Variants in NECAP2 observed in about 807,000 individuals in gnomAD.
The protein encoded by NECAP2 is NECAP endocytosis associated 2, also known as adaptin ear-binding coat-associated protein 2.
A neutral mutation model predicts 37.8 loss-of-function variants in NECAP2; 38 were observed. The ratio of observed to expected loss-of-function variants is 1.01; its 90% CI spans 0.78 to 1.32. The LOEUF is 1.32. Among genes scored for constraint, NECAP2 ranks in the 40% most tolerant of loss-of-function variants. The pLI is 0.00. For missense variants in NECAP2, 316 were observed against 334.5 expected, an observed-to-expected ratio of 0.94 and a Z score of 0.43; for synonymous variants, 121 against 127.7, an observed-to-expected ratio of 0.95 and a Z score of 0.35.
chr1:16,452,439 G>C (rs996702394), intron 6 of NECAP2, among the ~76,000 whole-genome samples: 1 of 152,138 alleles, frequency 6.6e-6, no homozygotes, highest in African/African-American at 2.4e-5. Context: ...TTTCATGAAA[G>C]AGGTGACATT....
At chr1:16,441,061 C>A in intron 1 of NECAP2, 1 of 569,366 alleles carries the variant, frequency 1.8e-6, no homozygotes, top group South Asian at 2.2e-5. Context: ...CTCCTGGCGG[C>A]GGGGAGGGCG....
At chr1:16,443,973 T>C (rs2086725743) in intron 2 of NECAP2, among the ~76,000 whole-genome samples, 1 of 152,030 alleles carries the variant, frequency 6.6e-6, no homozygotes, top group Non-Finnish European at 1.5e-5. Context: ...CTCAGGAAAA[T>C]GTGGGGGCCA....
At chr1:16,455,315 C>G (rs988256738) in intron 6 of NECAP2, among the ~76,000 whole-genome samples, 1 of 152,212 alleles carries the variant, frequency 6.6e-6, no homozygotes, top group Non-Finnish European at 1.5e-5. Flanking sequence ...TTCCTGACCC[C>G]TAACCAGTTT....
At chr1:16,454,139 A>G (rs567115316) in intron 6 of NECAP2, among the ~76,000 whole-genome samples, 5 of 151,918 alleles carry the variant, frequency 3.3e-5, no homozygotes, top group African/African-American at 1.2e-4. Flanking sequence ...GGCTTACCAC[A>G]ACCTCTGCTT....
At chr1:16,458,463 G>T (rs908277862) in intron 7 of NECAP2, among the ~76,000 whole-genome samples, 3 of 151,842 alleles carry the variant, frequency 2.0e-5, no homozygotes. Context: ...AAATTAACCG[G>T]TCATGTAGTT....
intron 6 of NECAP2, among the ~76,000 whole-genome samples, chr1:16,452,644 G>C (rs2086862397): frequency 6.6e-6 from 1 of 152,162 alleles, no homozygotes; most frequent in African/African-American, 2.4e-5. Context: ...GAATCTGAGA[G>C]CATTTGCCCT....
intron 2 of NECAP2, among the ~76,000 whole-genome samples, chr1:16,445,015 G>T (rs924458681): frequency 1.3e-5 from 2 of 152,002 alleles, no homozygotes; most frequent in Non-Finnish European, 2.9e-5. Context: ...TAGTAGAGAC[G>T]GGGTTTCACC....
intron 7 of NECAP2, among the ~76,000 whole-genome samples, chr1:16,458,004 C>A (rs535181164): frequency 4.1e-4 from 63 of 152,074 alleles, no homozygotes; most frequent in Admixed American, 4.1e-3. Flanking sequence ...AACTACCATG[C>A]CTGGCCCAAA....
chr1:16,442,132 C>T (rs2086698513), intron 1 of NECAP2, among the ~76,000 whole-genome samples: 1 of 150,668 alleles, frequency 6.6e-6, no homozygotes, highest in African/African-American at 2.5e-5. Flanking sequence ...CCATACACCA[C>T]CACACCCGAC....
In NECAP2 at chr1:16,451,974, T is replaced by TG. The variant is rs1458402991; in HGVS notation, c.632dup (p.Ser212IlefsTer27). 3.1e-6 allele frequency: 5 copies of TG among 1,608,526 alleles called. No homozygotes were observed. Among genetic ancestry groups the TG allele is most frequent in the Admixed American group, 3.4e-5 (2 of 58,974 alleles). On this transcript the variant is annotated frameshift_variant, in exon 6 of 8. Coordinates refer to ENST00000337132, the MANE Select transcript of NECAP2 (RefSeq NM_018090.5). LOFTEE classifies it high-confidence loss of function. Reference sequence around the variant, plus strand: ...CCTCCCCCTGGGGAGCAGTTGGCTGTGGGGGGATCCCTCGTCCAGCCAGCA... The same window carrying TG: ...CCTCCCCCTGGGGAGCAGTTGGCTGTGGGGGGGATCCCTCGTCCAGCCAGCA...
intron 5 of NECAP2, chr1:16,451,491 T>TA (rs1380943272): frequency 1.6e-5 from 4 of 243,114 alleles, no homozygotes; most frequent in Non-Finnish European, 3.2e-5. Flanking sequence ...AGTTTACACT[T>TA]AAGCCAGCAG....
rs1370398430 is a variant in NECAP2 at position 16,460,017 on chromosome 1, A to T, written c.*1127A>T. 1 of 152,198 alleles carries T rather than the reference A, an allele frequency of 6.6e-6. No individual in the cohort carries two copies. Among genetic ancestry groups the T allele is most frequent in the African/African-American group, 2.4e-5 (1 of 41,450 alleles). 9.4% of individuals were successfully genotyped at this position (152,198 alleles called of 1,614,324 possible). On this transcript the variant is annotated 3_prime_UTR_variant, in exon 8 of 8. Transcript: ENST00000337132. Reference sequence around the variant, plus strand: ...AAAGGTCAAGACCGTGAACTGAAAAAAGTGTTGGCCTTTTTGCGGGACCAG... The same window carrying T: ...AAAGGTCAAGACCGTGAACTGAAAATAGTGTTGGCCTTTTTGCGGGACCAG...
Position 16,457,774 on chromosome 1 carries a change from G to A in NECAP2, c.744-1068G>A, listed in dbSNP as rs186362744. Among the ~76,000 whole-genome samples, 176 of 147,510 alleles carry A rather than the reference G, an allele frequency of 1.2e-3. 1 individual carries two copies. The highest frequency in any genetic ancestry group is 3.5e-3 in the African/African-American group (140 of 39,494). On this transcript the variant is annotated intron_variant, in intron 7 of 7. Coordinates refer to ENST00000337132, the MANE Select transcript of NECAP2 (RefSeq NM_018090.5). ...GTTGCCTAGGCTGGAGTGCAGTGGC[G>A]TGATGTCGGCTCACTGCATCCTTGA...
chr1:16,445,835 T>C lies in NECAP2; in HGVS notation c.194-2035T>C, dbSNP rs575348230. Among the ~76,000 whole-genome samples the C allele has an allele frequency of 1.5e-4, 22 of 151,500 alleles. No individual in the cohort carries two copies. The East Asian group carries it at 4.3e-3, about 29-fold the overall frequency. On this transcript the variant is annotated intron_variant, in intron 2 of 7. Coordinates refer to ENST00000337132, the MANE Select transcript of NECAP2 (RefSeq NM_018090.5). ...ACAAGAATCACTTGAACCGAGGAGG[T>C]AGAGATTGCAGTGAGCCGAGATTGC...
At chr1:16,449,842 G>C (rs1385094527) in intron 5 of NECAP2, 3 of 199,060 alleles carry the variant, frequency 1.5e-5, no homozygotes, top group South Asian at 1.6e-4. Context: ...CCTCCCGTCA[G>C]CTCCTGTTCA....
chr1:16,455,936 G>A (rs776043692), intron 7 of NECAP2, 43 bp downstream of exon 7: 22 of 1,481,096 alleles, frequency 1.5e-5, no homozygotes, highest in African/African-American at 4.2e-5. Context: ...GGCCAGGGCC[G>A]TTGCTCTACA....
chr1:16,441,069 G>A, intron 1 of NECAP2: 1 of 572,512 alleles, frequency 1.7e-6, no homozygotes, highest in South Asian at 2.2e-5. Context: ...GGCGGGGAGG[G>A]CGTTAAAGCC....
intron 7 of NECAP2, among the ~76,000 whole-genome samples, chr1:16,456,491 T>A (rs1018615139): frequency 6.6e-6 from 1 of 152,138 alleles, no homozygotes; most frequent in Admixed American, 6.6e-5. Flanking sequence ...CTTTGGCTTG[T>A]CCCCAGTACC....
intron 7 of NECAP2, 145 bp from the exon 8 acceptor site, chr1:16,458,695 CTG>C (rs2086965311): frequency 2.8e-6 from 2 of 721,626 alleles, no homozygotes; most frequent in African/African-American, 3.7e-5. Context: ...GATTTGGTCT[CTG>C]TGCCAGAGTT....
Sources: allele counts gnomAD v4.1 joint callset (sites outside exome capture counted in the v4.1 genomes callset), GRCh38; gene constraint gnomAD v4.1.1; transcripts MANE v1.5; gene names NCBI Gene and HGNC (gene_info 2026-07-23, HGNC 2026-07-21).